The following IL1RAPL1 variants were observed in gnomAD, a reference collection of about 807,000 sequenced individuals.
IL1RAPL1 encodes interleukin-1 receptor accessory protein-like 1.
IL1RAPL1 carries 3 observed loss-of-function variants against 48.4 expected under a neutral mutation model. The ratio of observed to expected loss-of-function variants is 0.06; its 90% confidence interval spans 0.03 to 0.16. The LOEUF (loss-of-function observed/expected upper bound fraction) is 0.16. Ranked by LOEUF, IL1RAPL1 falls within the 10% of genes least tolerant of loss-of-function variation. The pLI is 1.00. For synonymous variants in IL1RAPL1, 185 were observed against 187.7 expected (o/e 0.99, Z 0.12); for missense variants, 349 against 530.6 (o/e 0.66, Z 3.36).
intron 2 of IL1RAPL1, among the ~76,000 whole-genome samples, chrX:28,837,453 A>G (rs1358650871): frequency 9.0e-6 from 1 of 110,799 alleles, no homozygotes; most frequent in Non-Finnish European, 1.9e-5. Flanking sequence ...GTCTCTATTT[A>G]GAAAAAATAA....
At chrX:28,623,545 A>C (rs1235099939) in intron 1 of IL1RAPL1, among the ~76,000 whole-genome samples, 2 of 111,805 alleles carry the variant, frequency 1.8e-5, no homozygotes, top group South Asian at 3.7e-4. Flanking sequence ...GCGATGTTTA[A>C]AGTGTAGCTT....
In IL1RAPL1 at chrX:29,606,950, G is replaced by A. The variant is rs188872917; in HGVS notation, c.704-61480G>A. 2.6e-4 allele frequency among the ~76,000 whole-genome samples: 29 copies of A among 111,592 alleles called. No individual in the cohort carries two copies. The East Asian group carries it at 7.3e-3, about 28-fold the overall frequency. The stretch of plus-strand genomic sequence containing the variant: ...GGGGTAGTATTTTTGTTTGTAAGGA[G>A]TACATTTTTAATGAATGAAATATGT... On this transcript the variant is annotated intron_variant, in intron 5 of 10. Transcript: ENST00000378993.
intron 2 of IL1RAPL1, chrX:28,923,967 A>G (rs189011858): frequency 1.8e-5 from 2 of 111,336 alleles, no homozygotes; most frequent in Non-Finnish European, 3.8e-5. Context: ...CACTGTTCCT[A>G]TTATGGATTT....
intron 6 of IL1RAPL1, among the ~76,000 whole-genome samples, chrX:29,736,045 T>A (rs1928033234): frequency 8.9e-6 from 1 of 112,039 alleles, no homozygotes; most frequent in South Asian, 3.7e-4. Context: ...ACCATTATGA[T>A]CAGCTAGACC....
chrX:29,238,272 G>T (rs1931346338), intron 2 of IL1RAPL1, among the ~76,000 whole-genome samples: 1 of 111,860 alleles, frequency 8.9e-6, no homozygotes, highest in Non-Finnish European at 1.9e-5. Context: ...AGATTATCTG[G>T]CTATCTAAAT....
chrX:28,859,854 A>G (rs1921897935), intron 2 of IL1RAPL1, among the ~76,000 whole-genome samples: 1 of 110,079 alleles, frequency 9.1e-6, no homozygotes. Context: ...AAAAGATCTT[A>G]GCCATTTAAA....
Position 28,649,273 on chromosome X carries a change from A to G in IL1RAPL1, c.-25+61226A>G, listed in dbSNP as rs1601846384. 2.7e-5 allele frequency among the ~76,000 whole-genome samples: 3 copies of G among 112,471 alleles called. No homozygotes were observed. The Middle Eastern group carries it at 0.014, about 516-fold the overall frequency. ...CGGCGGTATTTGGCCCACAGTAATCACACAAAGTGTATTTGTTGAGTAAAT... is the reference window on the plus strand; with the variant it reads ...CGGCGGTATTTGGCCCACAGTAATCGCACAAAGTGTATTTGTTGAGTAAAT... On this transcript the variant is annotated intron_variant, in intron 1 of 10. Transcript: ENST00000378993.
intron 5 of IL1RAPL1, among the ~76,000 whole-genome samples, chrX:29,573,274 A>G (rs776870373): frequency 2.7e-4 from 30 of 112,678 alleles, no homozygotes; most frequent in Non-Finnish European, 4.7e-4. Context: ...GGGACACAAC[A>G]TTCAGACCAT....
At chrX:28,975,803 A>AGAG (rs768897687) in intron 2 of IL1RAPL1, among the ~76,000 whole-genome samples, 29 of 112,423 alleles carry the variant, frequency 2.6e-4, no homozygotes, top group Admixed American at 5.7e-4. Context: ...TACAATACTG[A>AGAG]GAGGAACTTG....
chrX:29,352,955 A>G (rs1330397882), intron 3 of IL1RAPL1, among the ~76,000 whole-genome samples: 2 of 111,744 alleles, frequency 1.8e-5, no homozygotes, highest in African/African-American at 3.2e-5. Flanking sequence ...TCTTGGCACA[A>G]TTCTCATTCT....
chrX:28,737,188 T>C (rs1438911367), intron 1 of IL1RAPL1, among the ~76,000 whole-genome samples: 2 of 94,739 alleles, frequency 2.1e-5, no homozygotes, highest in East Asian at 3.5e-4. Context: ...CTTTCTTTCC[T>C]TTCTCTTTCT....
chrX:29,221,620 TACACACACACACACACACACACAC>T lies in IL1RAPL1; in HGVS notation c.83-61288_83-61265del, dbSNP rs35088625. On this transcript the variant is annotated intron_variant, in intron 2 of 10. Coordinates refer to ENST00000378993, the MANE Select transcript of IL1RAPL1 (RefSeq NM_014271.4). The stretch of plus-strand genomic sequence containing the variant: ...CAAAGGAGCAATGTATACACACACA[TACACACACACACACACACACACAC>T]ACACACACACACACACACACACACA... Among the ~76,000 whole-genome samples the T allele has an allele frequency of 5.9e-3, 471 of 79,505 alleles. 7 individuals are homozygous for T. Among genetic ancestry groups the T allele is most frequent in the African/African-American group, 0.019 (411 of 21,991 alleles). The allele number at this position is 79,505 out of a possible 115,157, so 69.0% of individuals were successfully genotyped here. A position where few individuals can be genotyped will look rare whatever the true frequency, so the allele number is the denominator to read the frequency against.
At chrX:28,829,548 G>C (rs2147285322) in intron 2 of IL1RAPL1, among the ~76,000 whole-genome samples, 1 of 94,839 alleles carries the variant, frequency 1.1e-5, no homozygotes, top group East Asian at 3.7e-4. Context: ...TATCATGAAA[G>C]GGTGCTGGAA....
chrX:29,123,872 A>G (rs1279782292), intron 2 of IL1RAPL1, among the ~76,000 whole-genome samples: 1 of 111,859 alleles, frequency 8.9e-6, no homozygotes, highest in Non-Finnish European at 1.9e-5. Flanking sequence ...TAATTTTAAT[A>G]TTGATTACAT....
At chrX:28,612,906 A>T (rs766672909) in intron 1 of IL1RAPL1, among the ~76,000 whole-genome samples, 3 of 112,013 alleles carry the variant, frequency 2.7e-5, no homozygotes, top group African/African-American at 9.7e-5. Context: ...TATTAGTTAA[A>T]ATTAGAACCT....
chrX:29,555,223 A>G (rs1921953147), intron 5 of IL1RAPL1, among the ~76,000 whole-genome samples: 1 of 112,896 alleles, frequency 8.9e-6, no homozygotes, highest in South Asian at 3.6e-4. Flanking sequence ...GCATTTATAA[A>G]TGTACTTTTA....
At chrX:29,379,616 A>C in intron 3 of IL1RAPL1, among the ~76,000 whole-genome samples, 1 of 111,834 alleles carries the variant, frequency 8.9e-6, no homozygotes. Flanking sequence ...GCAGTCCCAC[A>C]GCTTCTTTAC....
At chrX:29,124,404 T>C (rs911939130) in intron 2 of IL1RAPL1, among the ~76,000 whole-genome samples, 4 of 112,321 alleles carry the variant, frequency 3.6e-5, no homozygotes, top group African/African-American at 1.3e-4. Context: ...GGATTCCCTA[T>C]GGAAAAGTGA....
chrX:28,917,183 T>A lies in IL1RAPL1; in HGVS notation c.82+127758T>A, dbSNP rs112928148. 4.5e-5 allele frequency among the ~76,000 whole-genome samples: 5 copies of A among 112,130 alleles called. No individual in the cohort carries two copies. The Admixed American group carries it at 4.8e-4, about 11-fold the overall frequency. ...GAGGGAAGATGGATTATTAGTGACATGTGTCTTGCTTCTTGATACAGAAAA... is the reference window on the plus strand; with the variant it reads ...GAGGGAAGATGGATTATTAGTGACAAGTGTCTTGCTTCTTGATACAGAAAA... On this transcript the variant is annotated intron_variant, in intron 2 of 10. Transcript: ENST00000378993.
Sources: gnomAD v4.1 joint callset for allele counts (sites outside exome capture counted in the v4.1 genomes callset) on GRCh38, gnomAD v4.1.1 for gene constraint, MANE v1.5 for transcripts, NCBI Gene and HGNC (gene_info 2026-07-23, HGNC 2026-07-21) for gene names.